Variants in SEC61G observed in about 807,000 individuals in gnomAD.
SEC61G encodes SEC61 translocon subunit gamma, also known as protein transport protein Sec61 subunit gamma.
In SEC61G, 4 loss-of-function variants were observed where a neutral mutation model predicts 7.5. That is an observed-to-expected ratio of 0.54 (90% CI 0.26 to 1.22). The LOEUF (loss-of-function observed/expected upper bound fraction) is 1.22, where lower values mean the gene tolerates loss of function less well. Ranked by LOEUF, SEC61G falls within the 50% of genes most tolerant of loss-of-function variation. The pLI is 0.12. For synonymous variants in SEC61G, 24 were observed against 24.4 expected (o/e 0.98, Z 0.05); for missense variants, 53 against 84.6 (o/e 0.63, Z 1.46).
chr7:54,758,792 G>A (rs1012969117), intron 1 of SEC61G, among the ~76,000 whole-genome samples: 1 of 152,204 alleles, frequency 6.6e-6, no homozygotes, highest in African/African-American at 2.4e-5. Context: ...CCAGAGCTGA[G>A]TACAGCTCTT....
intron 1 of SEC61G, among the ~76,000 whole-genome samples, chr7:54,757,932 G>A (rs1791552913): frequency 1.3e-5 from 2 of 152,130 alleles, no homozygotes; most frequent in African/African-American, 4.8e-5. Flanking sequence ...TTCTCACTCT[G>A]CAGTCCCATC....
chr7:54,756,905 A>T (rs2709287), intron 2 of SEC61G, among the ~76,000 whole-genome samples: 148,213 of 148,560 alleles, frequency 1, 73,935 homozygotes, highest in Middle Eastern at 1. Context: ...CTTTACTATA[A>T]TATATACATG....
intron 3 of SEC61G, 66 bp downstream of exon 3, chr7:54,755,710 TAAC>T: frequency 1.2e-6 from 1 of 849,250 alleles, no homozygotes; most frequent in South Asian, 1.8e-5. Context: ...ATTAACGAAA[TAAC>T]AGCCTGTCAT....
chr7:54,758,806 A>G (rs1348293447), intron 1 of SEC61G, among the ~76,000 whole-genome samples: 2 of 152,208 alleles, frequency 1.3e-5, no homozygotes, highest in Admixed American at 1.3e-4. Flanking sequence ...AGCTCTTCCC[A>G]GACAGGACTC....
chr7:54,758,273 T>G (rs999093197), intron 1 of SEC61G, among the ~76,000 whole-genome samples: 4 of 152,356 alleles, frequency 2.6e-5, no homozygotes, highest in Non-Finnish European at 5.9e-5. Context: ...CCATACAGGT[T>G]CTTTTGAGGA....
chr7:54,756,277 G>C (rs1294971647), intron 2 of SEC61G, among the ~76,000 whole-genome samples: 1 of 151,964 alleles, frequency 6.6e-6, no homozygotes, highest in Non-Finnish European at 1.5e-5. Context: ...CAATTATATG[G>C]GCAGAAACAT....
chr7:54,753,716 A>C (rs1383532614), intron 3 of SEC61G, among the ~76,000 whole-genome samples: 1 of 152,182 alleles, frequency 6.6e-6, no homozygotes, highest in Non-Finnish European at 1.5e-5. Flanking sequence ...TAACTTCTTA[A>C]ACATTGAAAC....
At chr7:54,757,384 A>G in intron 2 of SEC61G, 111 bp downstream of exon 2, 1 of 837,916 alleles carries the variant, frequency 1.2e-6, no homozygotes, top group South Asian at 1.7e-5. Context: ...AGGATCAATC[A>G]ATAAAAATGT....
intron 1 of SEC61G, among the ~76,000 whole-genome samples, chr7:54,758,297 T>C (rs895701796): frequency 2.6e-5 from 4 of 152,192 alleles, no homozygotes; most frequent in South Asian, 4.1e-4. Flanking sequence ...TATTACCCAA[T>C]AGAAATGTTA....
intron 2 of SEC61G, among the ~76,000 whole-genome samples, chr7:54,756,972 TACTATATACTATATAC>T (rs1245747715): frequency 1.0e-5 from 1 of 97,774 alleles, no homozygotes; most frequent in East Asian, 3.1e-4. Context: ...ATACTATATA[TACTATATACTATATAC>T]TATATTATAT....
chr7:54,753,084 G>A lies in SEC61G; in HGVS notation c.198-664C>T, dbSNP rs1411684287. On this transcript the variant is annotated intron_variant, in intron 3 of 3. Transcript: ENST00000352861. ...GGAGGCAGATCACCTGAGGTCAGGA[G>A]TTCGAGACCACCCTGGCCAACATGG... Among the ~76,000 whole-genome samples the A allele has an allele frequency of 3.3e-5, 5 of 152,186 alleles. No individual in the cohort carries two copies. The East Asian group carries it at 9.7e-4, about 29-fold the overall frequency.
At chr7:54,756,073 T>C (rs1791507888) in intron 2 of SEC61G, among the ~76,000 whole-genome samples, 192 bp from the exon 3 acceptor site, 1 of 152,210 alleles carries the variant, frequency 6.6e-6, no homozygotes, top group Admixed American at 6.5e-5. Context: ...TTTCCATGTT[T>C]TGTTGATATT....
chr7:54,757,467 A>T (rs1562769857), intron 2 of SEC61G, 28 bp downstream of exon 2: 1 of 1,571,244 alleles, frequency 6.4e-7, no homozygotes, highest in Non-Finnish European at 8.8e-7. Context: ...CAAAGATTTA[A>T]TTTTTTCTCT....
chr7:54,752,626 G>C (rs1378154371), intron 3 of SEC61G, among the ~76,000 whole-genome samples: 1 of 152,178 alleles, frequency 6.6e-6, no homozygotes, highest in Admixed American at 6.5e-5. Flanking sequence ...ACTGGAAGAG[G>C]TCTATGTGTA....
At chr7:54,758,941 G>C (rs1791578477) in intron 1 of SEC61G, 3 of 286,286 alleles carry the variant, frequency 1.0e-5, no homozygotes, top group Non-Finnish European at 2.1e-5. Flanking sequence ...CACCCAGCTC[G>C]CCGGGAGTCC....
chr7:54,759,207 C>G lies in SEC61G; in HGVS notation c.-56G>C. The G allele has an allele frequency of 1.9e-6, 1 of 519,078 alleles. No homozygotes were observed. The highest frequency in any genetic ancestry group is 1.4e-5 in the South Asian group (1 of 71,592). The allele number at this position is 519,078 out of a possible 1,614,324, so 32.2% of individuals were successfully genotyped here. On this transcript the variant is annotated 5_prime_UTR_variant, in exon 1 of 4. Coordinates refer to ENST00000352861, the MANE Select transcript of SEC61G (RefSeq NM_014302.4). ...CAGGGACACGTAGCACTGGAGCTTGCTGATGGAGGCCCACCGGAACCGGAA... is the reference window on the plus strand; with the variant it reads ...CAGGGACACGTAGCACTGGAGCTTGGTGATGGAGGCCCACCGGAACCGGAA...
chr7:54,753,319 A>T (rs1291054526), intron 3 of SEC61G, among the ~76,000 whole-genome samples: 1 of 152,120 alleles, frequency 6.6e-6, no homozygotes, highest in Admixed American at 6.6e-5. Flanking sequence ...TATTATATAA[A>T]ATACCCCTGA....
chr7:54,755,811 T>C lies in SEC61G; in HGVS notation c.165A>G (p.Lys55=), dbSNP rs375170621. The C allele has an allele frequency of 6.3e-7, 1 of 1,585,046 alleles. No individual in the cohort carries two copies. The highest frequency in any genetic ancestry group is 2.3e-5 in the East Asian group (1 of 43,716). The change falls in exon 3 of 4, where the codon AAA becomes AAG. Residue 55 remains lysine, a synonymous_variant. Transcript: ENST00000352861. ...TGTTATTAATAGGAATATGGATCAA[T>C]TTCACAAAGAAGCCAATGAATCCCA... ...AIMGFIGFFV[K]LIHIPINNII...
chr7:54,755,831 A>G lies in SEC61G; in HGVS notation c.145T>C (p.Phe49Leu), dbSNP rs766322508. Residue 49 changes from phenylalanine (F) to leucine (L), a missense_variant, in exon 3 of 4, where the codon TTC becomes CTC. By Grantham distance (22) the Phe-to-Leu change is conservative. Coordinates refer to ENST00000352861, the MANE Select transcript of SEC61G (RefSeq NM_014302.4). ...ATCAATTTCACAAAGAAGCCAATGA[A>G]TCCCATTATAGCAAATCCTATTGCT... ...ATAIGFAIMGFIGFFVKLIHI... is the reference protein window; with the variant it reads ...ATAIGFAIMGLIGFFVKLIHI... 6 of 1,595,966 alleles carry G rather than the reference A, an allele frequency of 3.8e-6. No individual in the cohort carries two copies. The East Asian group carries it at 1.4e-4, about 36-fold the overall frequency.
Sources: gnomAD v4.1 joint callset for allele counts (sites outside exome capture counted in the v4.1 genomes callset) on GRCh38, gnomAD v4.1.1 for gene constraint, MANE v1.5 for transcripts, NCBI Gene and HGNC (gene_info 2026-07-23, HGNC 2026-07-21) for gene names.